SLC67A1: variants seen among roughly 807,000 people sequenced by gnomAD.
SLC67A1 encodes the protein solute carrier family 67 member A1.
the SLC67A1 span, among the ~76,000 whole-genome samples, chr11:2,905,942 G>C: frequency 6.6e-6 from 1 of 152,310 alleles, no homozygotes; most frequent in South Asian, 2.1e-4. Context: ...ACGGAGAGAG[G>C]AACATTGGGA....
the SLC67A1 span, chr11:2,922,039 C>A: frequency 7.9e-7 from 1 of 1,259,768 alleles, no homozygotes; most frequent in Non-Finnish European, 1.2e-6. Flanking sequence ...GGGCTGGCCA[C>A]AGTCCAGACG....
chr11:2,912,855 G>A, the SLC67A1 span, among the ~76,000 whole-genome samples: 1 of 152,192 alleles, frequency 6.6e-6, no homozygotes, highest in African/African-American at 2.4e-5. Context: ...AGCCCTGCAG[G>A]GTTTGCCTTC....
At chr11:2,909,719 T>G in the SLC67A1 span, 1 of 1,498,118 alleles carries the variant, frequency 6.7e-7, no homozygotes, top group Non-Finnish European at 8.9e-7. Context: ...GGGTGAGTGG[T>G]GGGGGCCGGG....
the SLC67A1 span, among the ~76,000 whole-genome samples, chr11:2,904,852 G>C: frequency 6.6e-6 from 1 of 152,210 alleles, no homozygotes; most frequent in African/African-American, 2.4e-5. Flanking sequence ...GAGCAGAGTG[G>C]CTAGAGTGGA....
chr11:2,903,356 C>A, the SLC67A1 span: 1 of 1,612,868 alleles, frequency 6.2e-7, no homozygotes, highest in East Asian at 2.2e-5. Context: ...ATGCAGGGAG[C>A]TCGGGCTCCC....
chr11:2,909,440 C>G, the SLC67A1 span: 1 of 1,324,172 alleles, frequency 7.6e-7, no homozygotes, highest in East Asian at 3.9e-5. Flanking sequence ...GGGAGGTCTG[C>G]GTGCGCGCGG....
the SLC67A1 span, chr11:2,916,683 A>G: frequency 6.2e-7 from 1 of 1,612,824 alleles, no homozygotes; most frequent in Non-Finnish European, 8.5e-7. Flanking sequence ...CCTCAGCTTC[A>G]CCTGCATCCC....
At chr11:2,908,205 C>T in the SLC67A1 span, 83 of 1,556,918 alleles carry the variant, frequency 5.3e-5, no homozygotes, top group Admixed American at 3.2e-4. Flanking sequence ...TTCCCAGCCC[C>T]TCCCCCGGGC....
At chr11:2,909,145 AG>A in the SLC67A1 span, 1 of 1,429,958 alleles carries the variant, frequency 7.0e-7, no homozygotes, top group Non-Finnish European at 9.2e-7. Flanking sequence ...GACGGGGGGA[AG>A]GGGACACTGA....
At chr11:2,922,697 T>TGGGGTCTGTGTGGAGTGTGTGGGGTGGTG in the SLC67A1 span, 1 of 11,444 alleles carries the variant, frequency 8.7e-5, no homozygotes, top group African/African-American at 3.6e-4. Flanking sequence ...GTGGAGTGGG[T>TGGGGTCTGTGTGGAGTGTGTGGGGTGGTG]GGGGTGGGGG....
the SLC67A1 span, chr11:2,922,403 C>A: frequency 6.2e-7 from 1 of 1,603,372 alleles, no homozygotes; most frequent in Non-Finnish European, 8.5e-7. Context: ...CCGTGAGGCC[C>A]CCACTCAGCT....
At chr11:2,919,152 C>A in the SLC67A1 span, 7 of 614,432 alleles carry the variant, frequency 1.1e-5, no homozygotes, top group Non-Finnish European at 2.1e-5. Context: ...AGGGAAGGGT[C>A]TCATTGGCCC....
At chr11:2,899,877 A>G in the SLC67A1 span, 5 of 656,912 alleles carry the variant, frequency 7.6e-6, no homozygotes, top group Non-Finnish European at 1.2e-5. Flanking sequence ...ACCTCTGGGC[A>G]GTTTGGTAAC....
chr11:2,917,083 G>A, the SLC67A1 span: 18 of 308,834 alleles, frequency 5.8e-5, no homozygotes, highest in Non-Finnish European at 8.3e-5. Context: ...CCCCCAATGG[G>A]GTGGGTGGGC....
chr11:2,900,586 G>A, the SLC67A1 span, among the ~76,000 whole-genome samples: 3 of 150,842 alleles, frequency 2.0e-5, no homozygotes, highest in East Asian at 3.9e-4. Context: ...CCAGCTACTC[G>A]GGAGGCTGAG....
At chr11:2,908,380 C>G in the SLC67A1 span, 29 of 1,390,192 alleles carry the variant, frequency 2.1e-5, no homozygotes, top group Non-Finnish European at 2.6e-5. Flanking sequence ...CCCAGGCCCC[C>G]TCTCAGACGC....
chr11:2,918,708 T>C, the SLC67A1 span, among the ~76,000 whole-genome samples: 2 of 26,626 alleles, frequency 7.5e-5, no homozygotes, highest in South Asian at 4.5e-3. Flanking sequence ...AACAGGCCCT[T>C]TGAGGGCCCT....
the SLC67A1 span, chr11:2,921,993 G>A: frequency 3.7e-6 from 3 of 802,592 alleles, no homozygotes; most frequent in Non-Finnish European, 6.5e-6. Context: ...AGGGGCCCTG[G>A]CCACCACAGG....
the SLC67A1 span, chr11:2,914,790 G>C: frequency 1.0e-6 from 1 of 985,460 alleles, no homozygotes; most frequent in Admixed American, 6.1e-5. Context: ...TGCCCAGCCA[G>C]ACCCTGAGCT....
Sources: gnomAD v4.1 joint callset for allele counts (sites outside exome capture counted in the v4.1 genomes callset) on GRCh38, gnomAD v4.1.1 for gene constraint, MANE v1.5 for transcripts, NCBI Gene and HGNC (gene_info 2026-07-23, HGNC 2026-07-21) for gene names.